The following INSR variants were observed in gnomAD, a reference collection of about 807,000 sequenced individuals.
INSR encodes insulin receptor.
A neutral mutation model predicts 142.6 loss-of-function variants in INSR; 67 were observed. The observed-to-expected ratio is 0.47, with a 90% CI of 0.39 to 0.58. The LOEUF is 0.58. Ranked by LOEUF, INSR falls within the 20% of genes least tolerant of loss-of-function variation. The pLI is 0.00. For synonymous variants in INSR, 756 were observed against 743.1 expected (o/e 1.02, Z -0.28); for missense variants, 1,248 against 1,833.2 (o/e 0.68, Z 5.83).
intron 1 of INSR, among the ~76,000 whole-genome samples, chr19:7,282,710 G>C (rs1331363017): frequency 3.3e-5 from 5 of 151,604 alleles, no homozygotes; most frequent in African/African-American, 1.2e-4. Flanking sequence ...AACATGGCCA[G>C]GCGCAGTGGC....
intron 9 of INSR, among the ~76,000 whole-genome samples, chr19:7,153,265 G>GAC (rs1973470007): frequency 1.0e-5 from 1 of 97,150 alleles, no homozygotes. Context: ...CACACTACAT[G>GAC]CACACCTCAC....
Position 7,166,419 on chromosome 19 carries a change from C to G in INSR, c.1611-15G>C, listed in dbSNP as rs375526638. 4 of 1,613,010 alleles carry G rather than the reference C, an allele frequency of 2.5e-6. No homozygotes were observed. The African/African-American group carries it at 5.3e-5, about 22-fold the overall frequency. ...TCTGATAAGGGCTTTCAAGACAAAA[C>G]AGCAGAAGGCAGTTACCCTTACAAG... On this transcript the variant is annotated splice_polypyrimidine_tract_variant and intron_variant, in intron 7 of 21. Coordinates refer to ENST00000302850, the MANE Select transcript of INSR (RefSeq NM_000208.4). This position sits in a 1 kb window ranked among gnomAD's most constrained non-coding sequence, Gnocchi z 4.1.
intron 13 of INSR, among the ~76,000 whole-genome samples, 153 bp from the exon 14 acceptor site, chr19:7,132,470 T>C (rs1270609024): frequency 1.3e-5 from 2 of 152,208 alleles, no homozygotes; most frequent in Non-Finnish European, 2.9e-5. Context: ...CTTTGAGAAT[T>C]GCAGAATTTT....
chr19:7,269,229 C>T (rs1486700998), intron 1 of INSR, among the ~76,000 whole-genome samples: 4 of 148,854 alleles, frequency 2.7e-5, no homozygotes, highest in Non-Finnish European at 5.9e-5. Context: ...AAAAAATCCA[C>T]CCTGAGAATT....
chr19:7,249,684 C>G (rs2396186), intron 2 of INSR, among the ~76,000 whole-genome samples: 1 of 151,676 alleles, frequency 6.6e-6, no homozygotes, highest in Non-Finnish European at 1.5e-5. Flanking sequence ...TCCATCTGTA[C>G]AAAAAATAAA....
At position 7,197,516 on chromosome 19, in the gene INSR, G is replaced by GTGTGTGTGTGTGTGTGTGTGTGTGT. The variant is rs1568480264; in HGVS notation, c.653-12880_653-12879insACACACACACACACACACACACACA. Among the ~76,000 whole-genome samples, 154 of 70,922 alleles carry GTGTGTGTGTGTGTGTGTGTGTGTGT rather than the reference G, an allele frequency of 2.2e-3. 22 individuals carry two copies. Among genetic ancestry groups the GTGTGTGTGTGTGTGTGTGTGTGTGT allele is most frequent in the East Asian group, 4.0e-3 (8 of 2,012 alleles). 46.5% of individuals were successfully genotyped at this position (70,922 alleles called of 152,430 possible). ...TGGCAGGTTCCAGAGTGGGAGTGGG[G>GTGTGTGTGTGTGTGTGTGTGTGTGT]GTGTGTGTGTGTGTGTGTGTGTGTG... On this transcript the variant is annotated intron_variant, in intron 2 of 21. Coordinates refer to ENST00000302850, the MANE Select transcript of INSR (RefSeq NM_000208.4).
At chr19:7,180,086 G>A (rs527441812) in intron 3 of INSR, among the ~76,000 whole-genome samples, 3 of 152,256 alleles carry the variant, frequency 2.0e-5, no homozygotes, top group East Asian at 1.9e-4. Context: ...AACAGGCCCA[G>A]GCCAGACAAA....
chr19:7,283,676 G>A (rs1253634232), intron 1 of INSR, among the ~76,000 whole-genome samples: 1 of 152,102 alleles, frequency 6.6e-6, no homozygotes, highest in Non-Finnish European at 1.5e-5. Context: ...ACCACCTCAG[G>A]TGATCCACCT....
chr19:7,163,925 TA>T (rs748862314), intron 8 of INSR, among the ~76,000 whole-genome samples: 974 of 44,576 alleles, frequency 0.022, 46 homozygotes, highest in African/African-American at 0.11. Context: ...CTATCTCTAC[TA>T]AAAAAAAAAA....
chr19:7,236,766 C>T (rs758481728), intron 2 of INSR, among the ~76,000 whole-genome samples: 16 of 152,160 alleles, frequency 1.1e-4, no homozygotes, highest in Non-Finnish European at 2.1e-4. Context: ...GTGGCTCATG[C>T]CTGTAATCTC....
At chr19:7,227,502 G>T (rs886324459) in intron 2 of INSR, among the ~76,000 whole-genome samples, 1 of 152,048 alleles carries the variant, frequency 6.6e-6, no homozygotes, top group African/African-American at 2.4e-5. Flanking sequence ...CAAACTTCTG[G>T]ACTCAAGCGA....
rs900594154 is a variant in INSR at position 7,117,159 on chromosome 19, A to G, written c.4046T>C (p.Leu1349Pro). The stretch of plus-strand genomic sequence containing the variant: ...TTCCTCGTAGCTCCGCTTGAAACCC[A>G]GCGAGGACCCTCCATCCCGGCCCCC... ...EAGGRDGGSS[L>P]GFKRSYEEHI... The change falls in exon 22 of 22, where the codon CTG (leucine) becomes CCG (proline). Residue 1349 changes from leucine (L) to proline (P), a missense_variant. This residue lies in a region of INSR where 122 missense variants were observed against 129.8 expected (regional missense o/e 0.94). Transcript: ENST00000302850. The G allele has an allele frequency of 1.2e-6, 2 of 1,614,046 alleles. No individual in the cohort carries two copies. Among genetic ancestry groups the G allele is most frequent in the Non-Finnish European group, 8.5e-7 (1 of 1,179,988 alleles).
chr19:7,284,205 C>T lies in INSR; in HGVS notation c.100+9587G>A, dbSNP rs536173170. On this transcript the variant is annotated intron_variant, in intron 1 of 21. Transcript: ENST00000302850. ...TTAGCCTCCCAGGTAGCTGAGATTACAGGTGTGCGCCATCACGCCCAGCTA... is the reference window on the plus strand; with the variant it reads ...TTAGCCTCCCAGGTAGCTGAGATTATAGGTGTGCGCCATCACGCCCAGCTA... 9.9e-5 allele frequency among the ~76,000 whole-genome samples: 15 copies of T among 152,032 alleles called. No homozygotes were observed. In the East Asian group the frequency reaches 2.3e-3, roughly 24 times the overall value.
intron 2 of INSR, among the ~76,000 whole-genome samples, chr19:7,211,814 C>T (rs1975282180): frequency 6.6e-6 from 1 of 152,200 alleles, no homozygotes; most frequent in Admixed American, 6.5e-5. Flanking sequence ...GGAACGAAAA[C>T]ACTTCTTCTG....
At chr19:7,292,472 G>A (rs1242009779) in intron 1 of INSR, among the ~76,000 whole-genome samples, 1 of 147,472 alleles carries the variant, frequency 6.8e-6, no homozygotes, top group Non-Finnish European at 1.5e-5. Flanking sequence ...GGCGGGGCTG[G>A]GGGGGGGTGG....
At chr19:7,253,398 C>T (rs1467830950) in intron 2 of INSR, among the ~76,000 whole-genome samples, 3 of 151,710 alleles carry the variant, frequency 2.0e-5, no homozygotes, top group Non-Finnish European at 4.4e-5. Context: ...ACCACCAGCC[C>T]GGCTTATTTT....
At chr19:7,250,918 C>A (rs768567251) in intron 2 of INSR, among the ~76,000 whole-genome samples, 3 of 151,322 alleles carry the variant, frequency 2.0e-5, no homozygotes, top group Non-Finnish European at 4.4e-5. Flanking sequence ...AACACTCAGA[C>A]TGGGGACTGC....
At chr19:7,237,793 G>A (rs917296477) in intron 2 of INSR, among the ~76,000 whole-genome samples, 10 of 151,944 alleles carry the variant, frequency 6.6e-5, no homozygotes, top group African/African-American at 9.7e-5. Context: ...TCCAGCCTGG[G>A]TGACAGAGCG....
At chr19:7,244,043 G>A (rs553411540) in intron 2 of INSR, among the ~76,000 whole-genome samples, 147 of 152,188 alleles carry the variant, frequency 9.7e-4, no homozygotes, top group Non-Finnish European at 1.3e-3. Flanking sequence ...ATAATTTGTA[G>A]AGGACGAAAT....
Sources: allele counts gnomAD v4.1 joint callset (sites outside exome capture counted in the v4.1 genomes callset), GRCh38; gene constraint gnomAD v4.1.1; regional missense constraint gnomAD v4.1.1; non-coding constraint Gnocchi (gnomAD v3.1); transcripts MANE v1.5; gene names NCBI Gene and HGNC (gene_info 2026-07-23, HGNC 2026-07-21).